UBN1: variants seen among roughly 807,000 people sequenced by gnomAD.
The protein encoded by UBN1 is ubinuclein-1.
In UBN1, 17 loss-of-function variants were observed where a neutral mutation model predicts 108.5. The ratio of observed to expected loss-of-function variants is 0.16; its 90% CI spans 0.11 to 0.24. UBN1 has a LOEUF of 0.24. Ranked by LOEUF, UBN1 falls within the 10% of genes least tolerant of loss-of-function variation. UBN1 has a pLI of 1.00. For synonymous variants in UBN1, 726 were observed against 564.2 expected (o/e 1.29, Z -4.07); for missense variants, 1,595 against 1,394.4 (o/e 1.14, Z -2.29).
intron 7 of UBN1, among the ~76,000 whole-genome samples, chr16:4,863,386 C>G (rs887679699): frequency 2.6e-5 from 4 of 152,140 alleles, no homozygotes; most frequent in African/African-American, 9.7e-5. Context: ...CACTGAGAAT[C>G]TGCTGGGAAA....
At chr16:4,859,304 C>G (rs942682854) in intron 5 of UBN1, 145 bp downstream of exon 5, 3 of 1,165,002 alleles carry the variant, frequency 2.6e-6, no homozygotes, top group Non-Finnish European at 3.6e-6. Flanking sequence ...GATGGCTCGC[C>G]TCTTACACGT....
intron 8 of UBN1, among the ~76,000 whole-genome samples, chr16:4,869,892 A>G (rs1281572438): frequency 6.6e-6 from 1 of 152,160 alleles, no homozygotes; most frequent in Non-Finnish European, 1.5e-5. Context: ...GTAACTCATG[A>G]CTTTCCACTT....
At chr16:4,860,292 C>T (rs1422768847) in intron 6 of UBN1, among the ~76,000 whole-genome samples, 2 of 152,196 alleles carry the variant, frequency 1.3e-5, no homozygotes, top group Non-Finnish European at 2.9e-5. Flanking sequence ...GCTTCCTTCT[C>T]CTCACTTGGT....
chr16:4,875,458 G>A, intron 15 of UBN1, 24 bp downstream of exon 15: 1 of 1,584,280 alleles, frequency 6.3e-7, no homozygotes, highest in Non-Finnish European at 8.6e-7. Flanking sequence ...ATAGCAGCCT[G>A]CCCTGCCCCA....
chr16:4,855,463 G>T (rs114796872), intron 2 of UBN1, among the ~76,000 whole-genome samples: 8 of 151,994 alleles, frequency 5.3e-5, no homozygotes, highest in Non-Finnish European at 7.4e-5. Context: ...AAATAATACA[G>T]AAATTAGCTG....
Position 4,860,744 on chromosome 16 carries a change from A to C in UBN1, c.752A>C (p.Lys251Thr). 1 of 1,614,270 alleles carries C rather than the reference A, an allele frequency of 6.2e-7. No homozygotes were observed. Among genetic ancestry groups the C allele is most frequent in the Non-Finnish European group, 8.5e-7 (1 of 1,180,046 alleles). ...TTAAGCGTTAAAGAGATGCTAAAGA[A>C]ATTTCAGAAAGAGAAAGAGGCTCAG... ...GALSVKEMLK[K>T]FQKEKEAQKK... The change falls in exon 7 of 18, where the codon AAA becomes ACA. Residue 251 changes from lysine (K) to threonine (T), a missense_variant. Physicochemically the swap from Lys to Thr is moderately conservative, Grantham distance 78. This residue lies in a region of UBN1 where 1,398 missense variants were observed against 1,194.7 expected (regional missense o/e 1.17). Coordinates refer to ENST00000262376, the MANE Select transcript of UBN1 (RefSeq NM_001079514.3).
chr16:4,860,651 C>T lies in UBN1; in HGVS notation c.672-13C>T, dbSNP rs749608560. 1.4e-5 allele frequency: 22 copies of T among 1,602,366 alleles called. No homozygotes were observed. Among genetic ancestry groups the T allele is most frequent in the Non-Finnish European group, 1.6e-5 (19 of 1,176,278 alleles). ...CCTATAGTCTGAGTGACCAGTTTCC[C>T]TCTTGCTTGCAGCTTCACAGCCCTC... On this transcript the variant is annotated splice_polypyrimidine_tract_variant and intron_variant, in intron 6 of 17. Coordinates refer to ENST00000262376, the MANE Select transcript of UBN1 (RefSeq NM_001079514.3).
chr16:4,851,798 G>A (rs1005085200), intron 1 of UBN1, among the ~76,000 whole-genome samples: 2 of 151,726 alleles, frequency 1.3e-5, no homozygotes, highest in African/African-American at 2.4e-5. Context: ...CTCTAGCCTG[G>A]ATATAACAGC....
rs752172316 is a variant in UBN1, at chr16:4,861,084, C to T, written c.1092C>T (p.Arg364=). 20 of 1,613,038 alleles carry T rather than the reference C, an allele frequency of 1.2e-5. No individual in the cohort carries two copies. The highest frequency in any genetic ancestry group is 4.0e-5 in the African/African-American group (3 of 74,920). The change falls in exon 7 of 18, where the codon CGC becomes CGT. Residue 364 remains arginine (R), a synonymous_variant. Transcript: ENST00000262376. ...PEGLPAPLEK[R]VKELAQAARA... The stretch of plus-strand genomic sequence containing the variant: ...GCCTGCCAGCACCCCTGGAGAAGCG[C>T]GTTAAGGAGCTGGCTCAGGTATGGT...
In UBN1 at chr16:4,860,814, G is replaced by A. The variant is rs749412323; in HGVS notation, c.822G>A (p.Ala274=). The A allele has an allele frequency of 2.5e-6, 4 of 1,614,270 alleles. No homozygotes were observed. Among genetic ancestry groups the A allele is most frequent in the East Asian group, 2.2e-5 (1 of 44,892 alleles). ...EEHKPVAVPS[A]EAQGLRELEG... is the part of the protein sequence containing the mutation. ...ATAAGCCTGTTGCGGTCCCATCAGC[G>A]GAAGCTCAGGGCCTGCGGGAACTGG... The change falls in exon 7 of 18, where the codon GCG becomes GCA. Residue 274 remains alanine, a synonymous_variant. Coordinates refer to ENST00000262376, the MANE Select transcript of UBN1 (RefSeq NM_001079514.3).
At position 4,872,164 on chromosome 16, in the gene UBN1, G is replaced by A; in HGVS notation, c.1707-720G>A. The A allele has an allele frequency of 4.1e-6, 4 of 984,062 alleles. No individual in the cohort carries two copies. The South Asian group carries it at 1.9e-4, about 46-fold the overall frequency. 61.0% of individuals were successfully genotyped at this position (984,062 alleles called of 1,614,324 possible). ...TGTGCGGATAGATCTTGGAACCTTTGAAATTGCTGTCCTCTCTACGTAGGC... is the reference window on the plus strand; with the variant it reads ...TGTGCGGATAGATCTTGGAACCTTTAAAATTGCTGTCCTCTCTACGTAGGC... On this transcript the variant is annotated intron_variant, in intron 12 of 17. Transcript: ENST00000262376.
At position 4,874,527 on chromosome 16, in the gene UBN1, T is replaced by C. The variant is rs2087789771; in HGVS notation, c.2117T>C (p.Val706Ala). 6.2e-7 allele frequency: 1 copy of C among 1,614,150 alleles called. No individual in the cohort carries two copies. The highest frequency in any genetic ancestry group is 1.1e-5 in the South Asian group (1 of 91,084). The change falls in exon 15 of 18, where the codon GTT becomes GCT. Residue 706 changes from valine to alanine, a missense_variant. Around this residue, in one of 3 missense-constraint regions of UBN1, gnomAD observed 1,398 missense variants for 1,194.7 expected, o/e 1.17. Transcript: ENST00000262376. ...PAPSKAPAEKVGGVLCTEEKR... is the reference protein window; with the variant it reads ...PAPSKAPAEKAGGVLCTEEKR... ...CCCTCAAAAGCACCTGCAGAAAAAG[T>C]TGGAGGCGTTTTATGTACAGAAGAA...
rs200216557 is a variant in UBN1 at position 4,849,120 on chromosome 16, G to GA, written c.-40+919dup. On this transcript the variant is annotated intron_variant, in intron 1 of 17. Coordinates refer to ENST00000262376, the MANE Select transcript of UBN1 (RefSeq NM_001079514.3). ...TCGTCCCCCCGCCAAAAAGAAAAAA[G>GA]AAAAAAAAATCTCAAATGAACATTG... is the stretch of plus-strand genomic sequence containing the variant. Among the ~76,000 whole-genome samples, 1,200 of 151,284 alleles carry GA rather than the reference G, an allele frequency of 7.9e-3. 3 individuals are homozygous for GA. The highest frequency in any genetic ancestry group is 0.011 in the Non-Finnish European group (741 of 67,756).
At position 4,874,315 on chromosome 16, in the gene UBN1, G is replaced by A. The variant is rs148614506; in HGVS notation, c.1905G>A (p.Gly635=). ...ACCAAACAGGAGGCCTGAGTATTGG[G>A]GCCTCGAGCAGGGAGCTCCCATCCC... ...SDHQTGGLSI[G]ASSRELPSQA... is the part of the protein sequence containing the mutation. The change falls in exon 15 of 18, where the codon GGG becomes GGA. Residue 635 remains glycine (G), a synonymous_variant. Transcript: ENST00000262376. 920 of 1,613,986 alleles carry A rather than the reference G, an allele frequency of 5.7e-4. No individual in the cohort carries two copies. The highest frequency in any genetic ancestry group is 7.2e-4 in the Non-Finnish European group (848 of 1,180,040).
rs1451404205 is a variant in UBN1 at position 4,877,532 on chromosome 16, CT to C, written c.3355+59del. The C allele has an allele frequency of 2.0e-6, 3 of 1,522,404 alleles. No individual in the cohort carries two copies. Among genetic ancestry groups the C allele is most frequent in the African/African-American group, 1.4e-5 (1 of 71,896 alleles). 94.3% of individuals were successfully genotyped at this position (1,522,404 alleles called of 1,614,324 possible). On this transcript the variant is annotated intron_variant, in intron 17 of 17. Transcript: ENST00000262376. The surrounding 1 kb of genome is among the most constrained non-coding windows in gnomAD (Gnocchi z 4.3). ...CCGTGTGCCTTTGCCCTCTCCACCC[CT>C]AGGTGCTTTGCCGCTGCCAAGGGTC...
intron 7 of UBN1, among the ~76,000 whole-genome samples, chr16:4,867,365 G>C (rs558547185): frequency 6.6e-6 from 1 of 152,112 alleles, no homozygotes; most frequent in African/African-American, 2.4e-5. Flanking sequence ...ACCAAATGTG[G>C]GTTGATTTGA....
At position 4,874,303 on chromosome 16, in the gene UBN1, C is replaced by T. The variant is rs1177986470; in HGVS notation, c.1893C>T (p.Gly631=). ...IALPSDHQTG[G]LSIGASSREL... ...TGCCCTCAGATCACCAAACAGGAGGCCTGAGTATTGGGGCCTCGAGCAGGG... is the reference window on the plus strand; with the variant it reads ...TGCCCTCAGATCACCAAACAGGAGGTCTGAGTATTGGGGCCTCGAGCAGGG... The change falls in exon 15 of 18, where the codon GGC becomes GGT. Residue 631 remains glycine, a synonymous_variant. Coordinates refer to ENST00000262376, the MANE Select transcript of UBN1 (RefSeq NM_001079514.3). The T allele has an allele frequency of 2.5e-6, 4 of 1,614,046 alleles. No homozygotes were observed. Among genetic ancestry groups the T allele is most frequent in the East Asian group, 4.5e-5 (2 of 44,886 alleles).
chr16:4,874,166 C>A, intron 14 of UBN1, 45 bp from the exon 15 acceptor site: 3 of 1,505,422 alleles, frequency 2.0e-6, no homozygotes, highest in Admixed American at 2.3e-5. Context: ...CCAATGTTGG[C>A]ATCTTTGGAC....
At chr16:4,872,420 TG>T (rs2087687091) in intron 12 of UBN1, 2 of 898,846 alleles carry the variant, frequency 2.2e-6, no homozygotes, top group South Asian at 1.1e-4. Flanking sequence ...ACCAGGAATT[TG>T]GCTCCCCAAT....
Sources: allele counts gnomAD v4.1 joint callset (sites outside exome capture counted in the v4.1 genomes callset), GRCh38; gene constraint gnomAD v4.1.1; regional missense constraint gnomAD v4.1.1; non-coding constraint Gnocchi (gnomAD v3.1); transcripts MANE v1.5; gene names NCBI Gene and HGNC (gene_info 2026-07-23, HGNC 2026-07-21).